BABAM2: variants seen among roughly 807,000 people sequenced by gnomAD.
The protein encoded by BABAM2 is BRISC and BRCA1 A complex member 2.
BABAM2 carries 31 observed loss-of-function variants against 54.7 expected under a neutral mutation model. The ratio of observed to expected loss-of-function variants is 0.57; its 90% confidence interval spans 0.43 to 0.77. The LOEUF is 0.77. Among genes scored for constraint, BABAM2 ranks in the 30% least tolerant of loss-of-function variants. BABAM2 has a pLI of 0.00. For synonymous variants in BABAM2, 167 were observed against 162.9 expected (o/e 1.03, Z -0.19); for missense variants, 364 against 455.8 (o/e 0.80, Z 1.83).
intron 5 of BABAM2, among the ~76,000 whole-genome samples, chr2:28,028,721 T>C (rs1218130770): frequency 6.6e-6 from 1 of 152,188 alleles, no homozygotes; most frequent in Admixed American, 6.5e-5. Flanking sequence ...CCTGTCTTTT[T>C]TAGGCTAAAT....
chr2:27,936,663 C>T (rs376358192), intron 3 of BABAM2, among the ~76,000 whole-genome samples: 1 of 152,146 alleles, frequency 6.6e-6, no homozygotes, highest in Admixed American at 6.5e-5. Context: ...ATGGATGAAA[C>T]TGGAAATCAT....
At chr2:27,936,542 C>G (rs560463093) in intron 3 of BABAM2, among the ~76,000 whole-genome samples, 2 of 152,230 alleles carry the variant, frequency 1.3e-5, no homozygotes, top group Admixed American at 1.3e-4. Context: ...AGACTTGGAA[C>G]CAACCCAAAT....
rs1227506030 is a variant in BABAM2, at chr2:28,325,829, T to C, written c.1089-12621T>C. On this transcript the variant is annotated intron_variant, in intron 11 of 11. Coordinates refer to ENST00000379624, the MANE Select transcript of BABAM2 (RefSeq NM_199191.3). This position sits in a 1 kb window ranked among gnomAD's most constrained non-coding sequence, Gnocchi z 4.3. ...GAGCACCTGTGGAAGCCATGAGCTC[T>C]GGCCTCTGGATGCTGAGATCTGGTG... is the stretch of plus-strand genomic sequence containing the variant. Among the ~76,000 whole-genome samples, 2 of 152,228 alleles carry C rather than the reference T, an allele frequency of 1.3e-5. No individual in the cohort carries two copies. The highest frequency in any genetic ancestry group is 4.8e-5 in the African/African-American group (2 of 41,466).
Position 28,237,321 on chromosome 2 carries a change from TCATCC to T in BABAM2, c.780+22_780+26del. The T allele has an allele frequency of 6.3e-7, 1 of 1,587,242 alleles. No homozygotes were observed. The highest frequency in any genetic ancestry group is 8.6e-7 in the Non-Finnish European group (1 of 1,156,518). ...AACAAGGTAAAAGCAAGTCCCCAAC[TCATCC>T]CTCTTATGAGATTTCTTCCTCCAGT... On this transcript the variant is annotated intron_variant, in intron 8 of 11. Coordinates refer to ENST00000379624, the MANE Select transcript of BABAM2 (RefSeq NM_199191.3).
At chr2:28,110,116 A>G (rs1385990662) in intron 6 of BABAM2, among the ~76,000 whole-genome samples, 1 of 152,150 alleles carries the variant, frequency 6.6e-6, no homozygotes, top group Non-Finnish European at 1.5e-5. Flanking sequence ...GGAATTGTGC[A>G]GTACTGTTTG....
At chr2:28,074,184 G>C (rs1306420292) in intron 6 of BABAM2, among the ~76,000 whole-genome samples, 1 of 152,136 alleles carries the variant, frequency 6.6e-6, no homozygotes, top group Non-Finnish European at 1.5e-5. Context: ...GGACAATTCA[G>C]AAAGTAGACA....
At chr2:28,103,490 G>A (rs1667256911) in intron 6 of BABAM2, among the ~76,000 whole-genome samples, 1 of 151,966 alleles carries the variant, frequency 6.6e-6, no homozygotes, top group African/African-American at 2.4e-5. Context: ...TGTATTTTTT[G>A]TGGAGATGGG....
At chr2:28,169,060 A>G (rs1674034592) in intron 7 of BABAM2, among the ~76,000 whole-genome samples, 1 of 152,188 alleles carries the variant, frequency 6.6e-6, no homozygotes, top group Non-Finnish European at 1.5e-5. Flanking sequence ...AGACTTGGTT[A>G]ACTGTGTTCT....
rs1558666810 is a variant in BABAM2, at chr2:28,026,803, A to AAATATATAAATATATATTTATATATAT, written c.495+1385_495+1386insTATATAAATATATATTTATATATATAA. Among the ~76,000 whole-genome samples the AAATATATAAATATATATTTATATATAT allele has an allele frequency of 3.0e-5, 3 of 101,224 alleles. 1 individual carries two copies. The highest frequency in any genetic ancestry group is 5.5e-5 in the Non-Finnish European group (3 of 55,038). 66.4% of individuals were successfully genotyped at this position (101,224 alleles called of 152,430 possible). A position where few individuals can be genotyped will look rare whatever the true frequency, so the allele number is the denominator to read the frequency against. ...AAAATATAAATATATATTTATATAAAAAATATATAAATATATATTTATATA... is the reference window on the plus strand; with the variant it reads ...AAAATATAAATATATATTTATATAAAAATATATAAATATATATTTATATATATAAATATATAAATATATATTTATATA... On this transcript the variant is annotated intron_variant, in intron 5 of 11. Transcript: ENST00000379624.
At chr2:28,258,234 C>T (rs1265569701) in intron 10 of BABAM2, among the ~76,000 whole-genome samples, 2 of 152,054 alleles carry the variant, frequency 1.3e-5, no homozygotes, top group South Asian at 2.1e-4. Flanking sequence ...TCTTCTTGAA[C>T]GTAATTCAAG....
Position 28,026,937 on chromosome 2 carries a change from T to A in BABAM2, c.495+1517T>A, listed in dbSNP as rs1371450483. 1.4e-3 allele frequency among the ~76,000 whole-genome samples: 14 copies of A among 10,318 alleles called. 1 individual carries two copies. Among genetic ancestry groups the A allele is most frequent in the South Asian group, 0.01 (1 of 98 alleles). The allele number at this position is 10,318 out of a possible 152,430, so 6.8% of individuals were successfully genotyped here. On this transcript the variant is annotated intron_variant, in intron 5 of 11. Transcript: ENST00000379624. ...ATATTAATATATATAAATATATATATAAATATATATTAATATATATAAATA... is the reference window on the plus strand; with the variant it reads ...ATATTAATATATATAAATATATATAAAAATATATATTAATATATATAAATA...
At chr2:28,004,281 C>CT in intron 4 of BABAM2, among the ~76,000 whole-genome samples, 1 of 152,284 alleles carries the variant, frequency 6.6e-6, no homozygotes, top group East Asian at 1.9e-4. Context: ...CAGCTCAGCC[C>CT]TTACACTGGT....
intron 8 of BABAM2, among the ~76,000 whole-genome samples, chr2:28,240,842 C>T (rs1682346384): frequency 6.8e-6 from 1 of 147,530 alleles, no homozygotes; most frequent in African/African-American, 2.5e-5. Flanking sequence ...TGCACTCCAG[C>T]CTGGGCAACA....
chr2:28,024,767 C>T (rs1163444031), intron 4 of BABAM2, among the ~76,000 whole-genome samples: 1 of 152,138 alleles, frequency 6.6e-6, no homozygotes, highest in Non-Finnish European at 1.5e-5. Context: ...CTAGTGTTTA[C>T]AGAGCGTTTA....
chr2:28,139,321 CAA>C (rs768755922), intron 7 of BABAM2, among the ~76,000 whole-genome samples: 1 of 87,084 alleles, frequency 1.1e-5, no homozygotes, highest in African/African-American at 5.8e-5. Flanking sequence ...AACTCCGTCT[CAA>C]AAAAAAAAAA....
intron 11 of BABAM2, among the ~76,000 whole-genome samples, chr2:28,323,186 A>G (rs1011137337): frequency 6.6e-6 from 1 of 152,234 alleles, no homozygotes; most frequent in Non-Finnish European, 1.5e-5. Flanking sequence ...CCAGCCCATT[A>G]CTAGCACAGG....
chr2:28,160,851 G>C (rs1056558812), intron 7 of BABAM2, among the ~76,000 whole-genome samples: 13 of 151,832 alleles, frequency 8.6e-5, no homozygotes, highest in African/African-American at 3.1e-4. Flanking sequence ...TCCTGGGAGA[G>C]TGTGGAAAGT....
chr2:28,092,749 C>CCTCTCTCTCTCTCT (rs70953901), intron 6 of BABAM2, among the ~76,000 whole-genome samples: 1 of 146,820 alleles, frequency 6.8e-6, no homozygotes, highest in African/African-American at 2.5e-5. Context: ...TTCGTCTCTG[C>CCTCTCTCTCTCTCT]CTCTCTCTCT....
intron 7 of BABAM2, among the ~76,000 whole-genome samples, chr2:28,132,295 C>T (rs1299438970): frequency 2.6e-5 from 4 of 151,988 alleles, no homozygotes; most frequent in African/African-American, 7.2e-5. Context: ...CCCGCCACCA[C>T]GCCCGGCTAA....
Sources: allele counts gnomAD v4.1 joint callset (sites outside exome capture counted in the v4.1 genomes callset), GRCh38; gene constraint gnomAD v4.1.1; non-coding constraint Gnocchi (gnomAD v3.1); transcripts MANE v1.5; gene names NCBI Gene and HGNC (gene_info 2026-07-23, HGNC 2026-07-21).